The following ZNF487 variants were observed in gnomAD, a reference collection of about 807,000 sequenced individuals.
The protein encoded by ZNF487 is zinc finger protein 487.
In ZNF487, 4 loss-of-function variants were observed where a neutral mutation model predicts 3.0. The ratio of observed to expected loss-of-function variants is 1.35; its 90% CI spans 0.66 to 3.08. ZNF487 has a LOEUF of 3.08. ZNF487 is among the 30% of genes most tolerant of loss of function. ZNF487 has a pLI of 0.01. For synonymous variants in ZNF487, 55 were observed against 34.6 expected (o/e 1.59, Z -2.06); for missense variants, 146 against 98.7 (o/e 1.48, Z -2.03).
At chr10:43,469,486 C>T (rs921448878) in intron 1 of ZNF487, among the ~76,000 whole-genome samples, 1 of 152,052 alleles carries the variant, frequency 6.6e-6, no homozygotes, top group African/African-American at 2.4e-5. Context: ...AGCCACCGCG[C>T]CTGGCCATCA....
At chr10:43,483,329 C>T (rs1166889940), downstream of ZNF487, 3 of 355,174 alleles carry the variant, frequency 8.4e-6, no homozygotes, top group Non-Finnish European at 1.6e-5. Flanking sequence ...CAACCTCTGT[C>T]TCCTGGATTC....
intron 1 of ZNF487, among the ~76,000 whole-genome samples, chr10:43,441,157 G>C (rs1344614392): frequency 7.0e-6 from 1 of 142,854 alleles, no homozygotes. Flanking sequence ...TCAAAGTGCA[G>C]GTATTACAGG....
At chr10:43,470,733 G>A (rs1054838190) in intron 1 of ZNF487, among the ~76,000 whole-genome samples, 1 of 152,136 alleles carries the variant, frequency 6.6e-6, no homozygotes, top group Non-Finnish European at 1.5e-5. Flanking sequence ...TGCCCAGGCT[G>A]GTGTGGAAGT....
At chr10:43,443,539 AAT>A (rs1288974677) in intron 1 of ZNF487, among the ~76,000 whole-genome samples, 4 of 148,316 alleles carry the variant, frequency 2.7e-5, no homozygotes, top group Non-Finnish European at 6.0e-5. Flanking sequence ...GCACCCAGCT[AAT>A]TTTTGTATTT....
the ZNF487 span, among the ~76,000 whole-genome samples, chr10:43,520,556 T>C: frequency 6.6e-6 from 1 of 152,178 alleles, no homozygotes; most frequent in Non-Finnish European, 1.5e-5. Flanking sequence ...GACCTTAGGG[T>C]GCATTTGTGG....
intron 1 of ZNF487, among the ~76,000 whole-genome samples, chr10:43,456,252 G>C (rs1362144113): frequency 6.6e-6 from 1 of 152,190 alleles, no homozygotes; most frequent in Non-Finnish European, 1.5e-5. Context: ...TTGGCCCCTA[G>C]GGCCAGATCC....
intron 3 of ZNF487, among the ~76,000 whole-genome samples, chr10:43,478,573 A>G (rs1464736210): frequency 6.6e-6 from 1 of 152,046 alleles, no homozygotes; most frequent in Non-Finnish European, 1.5e-5. Flanking sequence ...TAAAAAAAAA[A>G]TTAGCCAGGC....
At chr10:43,462,761 T>G (rs1840477385) in intron 1 of ZNF487, among the ~76,000 whole-genome samples, 1 of 151,060 alleles carries the variant, frequency 6.6e-6, no homozygotes, top group Admixed American at 6.6e-5. Flanking sequence ...GCCTTTTTTT[T>G]TTCTTTCTTT....
At chr10:43,515,493 C>T in the ZNF487 span, among the ~76,000 whole-genome samples, 1 of 152,200 alleles carries the variant, frequency 6.6e-6, no homozygotes, top group African/African-American at 2.4e-5. Flanking sequence ...TCAGAGTTTA[C>T]AAACTCAGTG....
chr10:43,459,723 A>AT (rs918272881), intron 1 of ZNF487, among the ~76,000 whole-genome samples: 12 of 151,372 alleles, frequency 7.9e-5, no homozygotes, highest in East Asian at 1.9e-4. Context: ...TAATTTGTTT[A>AT]TTTTTTGTAC....
At chr10:43,440,925 T>G (rs2132029903) in intron 1 of ZNF487, among the ~76,000 whole-genome samples, 1 of 151,304 alleles carries the variant, frequency 6.6e-6, no homozygotes, top group East Asian at 2.0e-4. Flanking sequence ...GGAGTGCAGT[T>G]GTGTGATCAT....
At chr10:43,448,150 C>T (rs377585916) in intron 1 of ZNF487, among the ~76,000 whole-genome samples, 12 of 151,828 alleles carry the variant, frequency 7.9e-5, no homozygotes, top group African/African-American at 1.7e-4. Context: ...CCATCATGCC[C>T]GGCTAATTTT....
intron 1 of ZNF487, among the ~76,000 whole-genome samples, chr10:43,451,195 C>T (rs989173956): frequency 1.3e-5 from 2 of 151,238 alleles, no homozygotes; most frequent in Admixed American, 6.6e-5. Context: ...ATACGCTTGC[C>T]TCGGCCTTCC....
intron 1 of ZNF487, among the ~76,000 whole-genome samples, chr10:43,465,794 A>G (rs1840673566): frequency 1.3e-5 from 2 of 152,140 alleles, no homozygotes; most frequent in Admixed American, 1.3e-4. Flanking sequence ...GTGGCCGCCG[A>G]GCAGAGGCTG....
At chr10:43,439,142 T>C (rs1839485800) in intron 1 of ZNF487, among the ~76,000 whole-genome samples, 1 of 151,732 alleles carries the variant, frequency 6.6e-6, no homozygotes, top group African/African-American at 2.4e-5. Context: ...CTTGAGAGGC[T>C]GAGGCAGAAG....
At chr10:43,447,308 T>A (rs1222918421) in intron 1 of ZNF487, among the ~76,000 whole-genome samples, 2 of 151,834 alleles carry the variant, frequency 1.3e-5, no homozygotes, top group Non-Finnish European at 2.9e-5. Context: ...AGTGGCACGA[T>A]CTTAGCTCAC....
chr10:43,463,568 G>A (rs375647497), intron 1 of ZNF487, among the ~76,000 whole-genome samples: 1,706 of 150,550 alleles, frequency 0.011, 8 homozygotes, highest in Middle Eastern at 0.037. Flanking sequence ...TTTTTTTGGT[G>A]GAAACTTGGT....
chr10:43,475,912 T>A (rs1841083128), intron 2 of ZNF487, 65 bp downstream of exon 2: 1 of 673,204 alleles, frequency 1.5e-6, no homozygotes, highest in Admixed American at 2.3e-5. Context: ...TGATTACAGA[T>A]GGTTTCTTTG....
At chr10:43,510,020 A>G in the ZNF487 span, among the ~76,000 whole-genome samples, 1 of 152,244 alleles carries the variant, frequency 6.6e-6, no homozygotes. Flanking sequence ...CCAATTCCCA[A>G]CCCAAATACT....
Sources: gnomAD v4.1 joint callset for allele counts (sites outside exome capture counted in the v4.1 genomes callset) on GRCh38, gnomAD v4.1.1 for gene constraint, MANE v1.5 for transcripts, NCBI Gene and HGNC (gene_info 2026-07-23, HGNC 2026-07-21) for gene names.